CENPW: variants seen among roughly 807,000 people sequenced by gnomAD.
The protein encoded by CENPW is centromere protein W.
A neutral mutation model predicts 11.1 loss-of-function variants in CENPW; 3 were observed. The ratio of observed to expected loss-of-function variants is 0.27; its 90% confidence interval spans 0.12 to 0.70. CENPW has a LOEUF of 0.70. Among genes scored for constraint, CENPW ranks in the 30% least tolerant of loss-of-function variants. CENPW has a pLI of 0.77. For synonymous variants in CENPW, 38 were observed against 42.0 expected (o/e 0.91, Z 0.37); for missense variants, 100 against 105.6 (o/e 0.95, Z 0.23).
At chr6:126,348,310 C>T (rs941285077) in intron 2 of CENPW, among the ~76,000 whole-genome samples, 156 bp from the exon 3 acceptor site, 1 of 151,846 alleles carries the variant, frequency 6.6e-6, no homozygotes. Flanking sequence ...CAAAAGATTC[C>T]CTAATCACCT....
the CENPW span, among the ~76,000 whole-genome samples, chr6:126,481,952 T>G: frequency 6.6e-6 from 1 of 152,262 alleles, no homozygotes; most frequent in East Asian, 1.9e-4. Flanking sequence ...TATTTCCACA[T>G]GCTTATTGAT....
chr6:126,453,840 C>T, the CENPW span, among the ~76,000 whole-genome samples: 1 of 151,072 alleles, frequency 6.6e-6, no homozygotes, highest in Non-Finnish European at 1.5e-5. Context: ...CCCATAGGTG[C>T]AGGGTAAAAG....
At chr6:126,369,162 A>C in the CENPW span, among the ~76,000 whole-genome samples, 8 of 151,888 alleles carry the variant, frequency 5.3e-5, no homozygotes, top group African/African-American at 1.7e-4. Flanking sequence ...ATATATATAT[A>C]CCACAATTTC....
the CENPW span, among the ~76,000 whole-genome samples, chr6:126,417,571 G>C: frequency 6.6e-6 from 1 of 152,266 alleles, no homozygotes; most frequent in South Asian, 2.1e-4. Context: ...GGTCTTTCCT[G>C]TGCTGTTCTT....
downstream of CENPW, among the ~76,000 whole-genome samples, chr6:126,352,847 C>G (rs1050382002): frequency 1.3e-5 from 2 of 151,916 alleles, no homozygotes; most frequent in Admixed American, 6.6e-5. Flanking sequence ...CTTTTTCTTT[C>G]TGCTTTTATT....
the CENPW span, among the ~76,000 whole-genome samples, chr6:126,416,721 G>A: frequency 1.3e-5 from 2 of 152,186 alleles, no homozygotes; most frequent in Non-Finnish European, 2.9e-5. Flanking sequence ...GTGGTGTTGA[G>A]CCTGCCAGTG....
At chr6:126,364,403 T>G in the CENPW span, among the ~76,000 whole-genome samples, 1 of 152,146 alleles carries the variant, frequency 6.6e-6, no homozygotes, top group African/African-American at 2.4e-5. Context: ...ACAGAGAAGT[T>G]TCTAAGGTTT....
the CENPW span, among the ~76,000 whole-genome samples, chr6:126,433,084 A>C: frequency 1.3e-5 from 2 of 152,202 alleles, no homozygotes; most frequent in Non-Finnish European, 2.9e-5. Flanking sequence ...TTTGAGAGTT[A>C]TCTCTGTGCC....
downstream of CENPW, among the ~76,000 whole-genome samples, chr6:126,351,320 G>A (rs1316502914): frequency 6.6e-6 from 1 of 152,014 alleles, no homozygotes; most frequent in Non-Finnish European, 1.5e-5. Context: ...AGGCTTTCTT[G>A]TAGATAGGAA....
At chr6:126,431,179 A>T in the CENPW span, among the ~76,000 whole-genome samples, 9 of 152,302 alleles carry the variant, frequency 5.9e-5, no homozygotes, top group East Asian at 1.7e-3. Context: ...ATTTTATGAG[A>T]TAAACACCTG....
At chr6:126,440,039 T>C in the CENPW span, among the ~76,000 whole-genome samples, 71 of 151,786 alleles carry the variant, frequency 4.7e-4, no homozygotes, top group Middle Eastern at 3.4e-3. Context: ...GTAGTCAAAC[T>C]TTGATGAGCA....
the CENPW span, among the ~76,000 whole-genome samples, chr6:126,464,139 C>T: frequency 6.6e-6 from 1 of 151,868 alleles, no homozygotes; most frequent in Non-Finnish European, 1.5e-5. Context: ...TGTGATTTAC[C>T]CTAGAAACAT....
At chr6:126,398,168 C>A in the CENPW span, among the ~76,000 whole-genome samples, 5 of 152,108 alleles carry the variant, frequency 3.3e-5, no homozygotes, top group Non-Finnish European at 7.4e-5. Flanking sequence ...TTATGGTTTC[C>A]CTACTTGTAT....
At chr6:126,450,491 A>T in the CENPW span, among the ~76,000 whole-genome samples, 1 of 151,120 alleles carries the variant, frequency 6.6e-6, no homozygotes, top group Admixed American at 6.6e-5. Flanking sequence ...TGGTTGTCTC[A>T]TTCAGGCCTT....
the CENPW span, among the ~76,000 whole-genome samples, chr6:126,475,427 A>G: frequency 6.6e-6 from 1 of 152,094 alleles, no homozygotes; most frequent in Non-Finnish European, 1.5e-5. Context: ...TTTTTAAATA[A>G]AAAATTGTAA....
At chr6:126,419,308 TCA>T in the CENPW span, among the ~76,000 whole-genome samples, 1 of 152,142 alleles carries the variant, frequency 6.6e-6, no homozygotes, top group African/African-American at 2.4e-5. Flanking sequence ...GTTTCTTTTT[TCA>T]CAGTCAAAAA....
chr6:126,394,700 A>G, the CENPW span, among the ~76,000 whole-genome samples: 1 of 151,850 alleles, frequency 6.6e-6, no homozygotes, highest in Non-Finnish European at 1.5e-5. Context: ...TTCCTTTAGC[A>G]TTTCTTGTCA....
the CENPW span, among the ~76,000 whole-genome samples, chr6:126,421,636 G>A: frequency 6.7e-6 from 1 of 149,030 alleles, no homozygotes; most frequent in Middle Eastern, 3.4e-3. Flanking sequence ...TTAGTCTCTG[G>A]TCAAATTACT....
In CENPW at chr6:126,346,309, C is replaced by T. The variant is rs199841005; in HGVS notation, c.231C>T (p.Ala77=). The change falls in exon 2 of 3, where the codon GCC becomes GCT. Residue 77 remains alanine, a synonymous_variant. Transcript: ENST00000368328. The stretch of plus-strand genomic sequence containing the variant: ...TCATTAACAAGGAGCATGTACTGGC[C>T]GCAGCAAAGGTAAAATCCAAATTTC... ...CRVINKEHVL[A]AAKVILKKSR... 295 of 1,583,582 alleles carry T rather than the reference C, an allele frequency of 1.9e-4. 1 individual carries two copies. The East Asian group carries it at 5.5e-3, about 29-fold the overall frequency.
Sources: gnomAD v4.1 joint callset for allele counts (sites outside exome capture counted in the v4.1 genomes callset) on GRCh38, gnomAD v4.1.1 for gene constraint, MANE v1.5 for transcripts, NCBI Gene and HGNC (gene_info 2026-07-23, HGNC 2026-07-21) for gene names.